The following CDC14B variants were observed in gnomAD, a reference collection of about 807,000 sequenced individuals.
CDC14B encodes cell division cycle 14B.
CDC14B carries 22 observed loss-of-function variants against 64.2 expected under a neutral mutation model. The ratio of observed to expected loss-of-function variants is 0.34; its 90% CI spans 0.24 to 0.49. The LOEUF (loss-of-function observed/expected upper bound fraction) is 0.49. Among genes scored for constraint, CDC14B ranks in the 20% least tolerant of loss-of-function variants. The pLI is 0.99. For missense variants in CDC14B, 498 were observed against 629.9 expected, an observed-to-expected ratio of 0.79 and a Z score of 2.24; for synonymous variants, 191 against 215.8, an observed-to-expected ratio of 0.89 and a Z score of 1.01.
chr9:96,619,450 C>A lies in CDC14B; in HGVS notation c.-72G>T. 1 of 921,368 alleles carries A rather than the reference C, an allele frequency of 1.1e-6. No homozygotes were observed. Among genetic ancestry groups the A allele is most frequent in the Non-Finnish European group, 1.3e-6 (1 of 770,388 alleles). The allele number at this position is 921,368 out of a possible 1,614,324, so 57.1% of individuals were successfully genotyped here. A position where few individuals can be genotyped will look rare whatever the true frequency, so the allele number is the denominator to read the frequency against. On this transcript the variant is annotated 5_prime_UTR_variant, in exon 1 of 14. Coordinates refer to ENST00000375241, the MANE Select transcript of CDC14B (RefSeq NM_033331.4). ...GCCCGCGCGCCCGCCGAGGCTCCCG[C>A]CAGCCCCGCGCGGGCGCTCGGGGCG... is the stretch of plus-strand genomic sequence containing the variant.
chr9:96,508,195 T>C (rs1834423535), intron 13 of CDC14B, among the ~76,000 whole-genome samples: 1 of 152,034 alleles, frequency 6.6e-6, no homozygotes, highest in African/African-American at 2.4e-5. Context: ...TTTGTATTTT[T>C]AGTAGAGACG....
chr9:96,565,567 G>A, intron 1 of CDC14B, 84 bp from the exon 2 acceptor site: 1 of 909,754 alleles, frequency 1.1e-6, no homozygotes, highest in Non-Finnish European at 1.8e-6. Flanking sequence ...TTCAGATGAA[G>A]TCAATTTTTC....
At chr9:96,512,600 T>C (rs893105801) in intron 12 of CDC14B, among the ~76,000 whole-genome samples, 6 of 152,254 alleles carry the variant, frequency 3.9e-5, no homozygotes, top group Non-Finnish European at 8.8e-5. Flanking sequence ...TTGGGATTTA[T>C]AGGCATGAGC....
chr9:96,613,410 T>G (rs1847439977), intron 1 of CDC14B, among the ~76,000 whole-genome samples: 1 of 152,244 alleles, frequency 6.6e-6, no homozygotes. Context: ...GGCAACTCCC[T>G]GGCATCAGTA....
intron 13 of CDC14B, among the ~76,000 whole-genome samples, chr9:96,504,927 C>A (rs1330938530): frequency 6.6e-6 from 1 of 152,176 alleles, no homozygotes; most frequent in African/African-American, 2.4e-5. Flanking sequence ...GTAATCCCAG[C>A]ACTTTGAGAG....
chr9:96,532,873 C>T (rs1838700503), intron 9 of CDC14B, among the ~76,000 whole-genome samples: 1 of 152,150 alleles, frequency 6.6e-6, no homozygotes, highest in Non-Finnish European at 1.5e-5. Flanking sequence ...ACTTTTCCCA[C>T]ATATTCTTTT....
At chr9:96,512,934 A>G (rs1366166637) in intron 12 of CDC14B, among the ~76,000 whole-genome samples, 1 of 152,096 alleles carries the variant, frequency 6.6e-6, no homozygotes. Context: ...CTGCAAAATA[A>G]TTAATCTGAG....
chr9:96,497,328 C>T (rs947051673), downstream of CDC14B, among the ~76,000 whole-genome samples: 2 of 152,172 alleles, frequency 1.3e-5, no homozygotes, highest in Admixed American at 1.3e-4. Context: ...GGGAGGCCCC[C>T]CACTCCCACA....
chr9:96,506,860 C>T (rs1259003956), intron 13 of CDC14B, among the ~76,000 whole-genome samples: 2 of 152,196 alleles, frequency 1.3e-5, no homozygotes, highest in East Asian at 3.9e-4. Flanking sequence ...CAAGGCCAGC[C>T]CTTCCTTCCT....
intron 1 of CDC14B, chr9:96,618,803 C>G (rs903949422): frequency 1.1e-4 from 38 of 345,870 alleles, no homozygotes; most frequent in Admixed American, 1.6e-4. Flanking sequence ...TCGGGGAATC[C>G]TCAGGGGCTG....
At chr9:96,555,611 G>C (rs999667856) in intron 4 of CDC14B, among the ~76,000 whole-genome samples, 1 of 152,210 alleles carries the variant, frequency 6.6e-6, no homozygotes, top group Non-Finnish European at 1.5e-5. Flanking sequence ...GTTTCCATTT[G>C]TTAAAAGTGA....
chr9:96,534,375 T>G, intron 8 of CDC14B, 80 bp downstream of exon 8: 1 of 1,027,644 alleles, frequency 9.7e-7, no homozygotes, highest in South Asian at 1.4e-5. Flanking sequence ...TTGGTCAAGC[T>G]TGGTGTAACT....
downstream of CDC14B, among the ~76,000 whole-genome samples, chr9:96,497,150 A>T (rs996771736): frequency 1.2e-4 from 19 of 152,178 alleles, no homozygotes; most frequent in African/African-American, 4.6e-4. Flanking sequence ...CTTTAGAAAC[A>T]GACTTGGCCC....
intron 12 of CDC14B, among the ~76,000 whole-genome samples, chr9:96,516,021 G>C (rs1187553188): frequency 6.6e-6 from 1 of 152,194 alleles, no homozygotes; most frequent in African/African-American, 2.4e-5. Flanking sequence ...TCAGTCACTA[G>C]TGAGATAACT....
intron 1 of CDC14B, among the ~76,000 whole-genome samples, chr9:96,591,166 T>C (rs1338462359): frequency 2.0e-5 from 3 of 152,220 alleles, no homozygotes; most frequent in African/African-American, 7.2e-5. Context: ...TCATATCCAA[T>C]AAATTATTCC....
At chr9:96,588,874 T>C (rs1845614226) in intron 1 of CDC14B, among the ~76,000 whole-genome samples, 1 of 152,236 alleles carries the variant, frequency 6.6e-6, no homozygotes, top group African/African-American at 2.4e-5. Context: ...TACTGAATTA[T>C]ATTTATTATC....
chr9:96,539,235 A>G, intron 6 of CDC14B, 95 bp from the exon 7 acceptor site: 4 of 835,810 alleles, frequency 4.8e-6, no homozygotes, highest in Admixed American at 2.1e-5. Flanking sequence ...GGGCCCCCCA[A>G]GAAAGTATTG....
chr9:96,540,485 T>C (rs1206665877), intron 6 of CDC14B, among the ~76,000 whole-genome samples: 1 of 151,704 alleles, frequency 6.6e-6, no homozygotes, highest in African/African-American at 2.4e-5. Flanking sequence ...ATATAAAAAT[T>C]AGCTGAGCAT....
intron 9 of CDC14B, among the ~76,000 whole-genome samples, chr9:96,529,593 G>A (rs1490903021): frequency 6.6e-6 from 1 of 150,546 alleles, no homozygotes; most frequent in African/African-American, 2.5e-5. Context: ...GCAGGTTCAA[G>A]GGATCCTGCT....
Sources: gnomAD v4.1 joint callset for allele counts (sites outside exome capture counted in the v4.1 genomes callset) on GRCh38, gnomAD v4.1.1 for gene constraint, MANE v1.5 for transcripts, NCBI Gene and HGNC (gene_info 2026-07-23, HGNC 2026-07-21) for gene names.